Variants in SLC36A1 observed in about 807,000 individuals in gnomAD.
The protein encoded by SLC36A1 is proton-coupled amino acid transporter 1.
Under a neutral mutation model 47.5 loss-of-function variants are expected in SLC36A1, and 30 were observed. The observed-to-expected ratio is 0.63, with a 90% CI of 0.47 to 0.86. The LOEUF (loss-of-function observed/expected upper bound fraction) is 0.86. SLC36A1 is among the 40% of genes least tolerant of loss of function. The pLI is 0.00. For synonymous variants in SLC36A1, 255 were observed against 249.7 expected, an observed-to-expected ratio of 1.02 and a Z score of -0.20; for missense variants, 517 against 606.0, an observed-to-expected ratio of 0.85 and a Z score of 1.54.
At chr5:151,373,758 A>C in the SLC36A1 span, among the ~76,000 whole-genome samples, 1 of 152,324 alleles carries the variant, frequency 6.6e-6, no homozygotes, top group Non-Finnish European at 1.5e-5. Flanking sequence ...ATTGTTTTAG[A>C]GACAGGGTCT....
At chr5:151,506,188 G>A in the SLC36A1 span, 1 of 1,372,154 alleles carries the variant, frequency 7.3e-7, no homozygotes, top group Non-Finnish European at 9.6e-7. Flanking sequence ...CTAGCGAGTG[G>A]TGGAGATGGG....
At chr5:151,523,224 C>G in the SLC36A1 span, among the ~76,000 whole-genome samples, 301 of 152,252 alleles carry the variant, frequency 2.0e-3, 1 homozygote, top group African/African-American at 6.9e-3. Flanking sequence ...ATTAACACTA[C>G]TGTTAATTAT....
At chr5:151,440,653 A>C (rs2127440445) in intron 1 of SLC36A1, among the ~76,000 whole-genome samples, 1 of 152,202 alleles carries the variant, frequency 6.6e-6, no homozygotes, top group Admixed American at 6.5e-5. Flanking sequence ...ATCTCTCAGC[A>C]GCATAACCCC....
chr5:151,436,041 C>G (rs938148330), upstream of SLC36A1, among the ~76,000 whole-genome samples: 26 of 151,854 alleles, frequency 1.7e-4, no homozygotes, highest in African/African-American at 6.1e-4. Context: ...TTATTGAGCA[C>G]CTACTATGTA....
At chr5:151,412,074 G>T in the SLC36A1 span, among the ~76,000 whole-genome samples, 1 of 144,824 alleles carries the variant, frequency 6.9e-6, no homozygotes, top group African/African-American at 2.5e-5. Context: ...ACAAGAAATT[G>T]CTTTTGTCTG....
chr5:151,525,871 T>A, the SLC36A1 span: 1 of 1,614,062 alleles, frequency 6.2e-7, no homozygotes, highest in East Asian at 2.2e-5. Context: ...GTTGTTCCCC[T>A]TGGTGATTCG....
chr5:151,473,598 G>A (rs139123789), intron 7 of SLC36A1, 75 bp from the exon 8 acceptor site: 7 of 944,660 alleles, frequency 7.4e-6, no homozygotes, highest in East Asian at 7.2e-5. Flanking sequence ...TGACCTCTCC[G>A]ATTCAGAGTT....
intron 9 of SLC36A1, among the ~76,000 whole-genome samples, chr5:151,477,960 C>T (rs546208062): frequency 6.6e-6 from 1 of 152,180 alleles, no homozygotes; most frequent in Non-Finnish European, 1.5e-5. Context: ...TTGGCTATCC[C>T]TGCAGGTGTC....
At chr5:151,401,265 T>TA in the SLC36A1 span, among the ~76,000 whole-genome samples, 12 of 152,232 alleles carry the variant, frequency 7.9e-5, no homozygotes, top group African/African-American at 2.6e-4. Flanking sequence ...CAGCACCTCT[T>TA]ATTTATTGAA....
chr5:151,353,199 T>TAA, the SLC36A1 span, among the ~76,000 whole-genome samples: 1 of 152,182 alleles, frequency 6.6e-6, no homozygotes, highest in East Asian at 1.9e-4. Flanking sequence ...TGTATATATA[T>TAA]AATATAGATA....
the SLC36A1 span, chr5:151,544,945 T>C: frequency 2.5e-6 from 4 of 1,614,072 alleles, no homozygotes. Context: ...ATTGACATCC[T>C]CAATAGAGAC....
chr5:151,468,266 A>AAAAATATATATATATATATAT (rs55642458), intron 7 of SLC36A1, among the ~76,000 whole-genome samples: 2 of 63,814 alleles, frequency 3.1e-5, no homozygotes, highest in African/African-American at 1.8e-4. Context: ...AAAAAAAAAA[A>AAAAATATATATATATATATAT]ATATATATAT....
At chr5:151,399,564 T>C in the SLC36A1 span, among the ~76,000 whole-genome samples, 1 of 152,196 alleles carries the variant, frequency 6.6e-6, no homozygotes, top group Non-Finnish European at 1.5e-5. Flanking sequence ...TGCTGACTTT[T>C]AGTAATTTTT....
At chr5:151,499,141 C>A in the SLC36A1 span, among the ~76,000 whole-genome samples, 2 of 152,238 alleles carry the variant, frequency 1.3e-5, no homozygotes, top group Admixed American at 6.5e-5. Flanking sequence ...TCAATCTAAC[C>A]AGGCACCTTT....
the SLC36A1 span, among the ~76,000 whole-genome samples, chr5:151,361,606 G>GT: frequency 6.6e-6 from 1 of 152,158 alleles, no homozygotes; most frequent in South Asian, 2.1e-4. Flanking sequence ...AGTTATGAGT[G>GT]GATTGCATAC....
the SLC36A1 span, among the ~76,000 whole-genome samples, chr5:151,368,167 T>C: frequency 1.3e-5 from 2 of 152,222 alleles, no homozygotes; most frequent in East Asian, 3.8e-4. Context: ...ACCAATAACC[T>C]GCCATAATCA....
chr5:151,535,585 T>C, the SLC36A1 span, among the ~76,000 whole-genome samples: 1 of 152,190 alleles, frequency 6.6e-6, no homozygotes, highest in East Asian at 1.9e-4. Flanking sequence ...TGCAGTATCC[T>C]TTATAATAAA....
At chr5:151,483,084 G>C (rs995011847) in intron 10 of SLC36A1, among the ~76,000 whole-genome samples, 12 of 152,086 alleles carry the variant, frequency 7.9e-5, no homozygotes, top group Non-Finnish European at 1.5e-4. Context: ...AAGTAACTTG[G>C]TAAGTTTTAA....
the SLC36A1 span, among the ~76,000 whole-genome samples, chr5:151,530,317 T>C: frequency 6.6e-6 from 1 of 150,916 alleles, no homozygotes; most frequent in East Asian, 1.9e-4. Flanking sequence ...CATAGCATCA[T>C]CTGTGAGGCA....
Sources: allele counts gnomAD v4.1 joint callset (sites outside exome capture counted in the v4.1 genomes callset), GRCh38; gene constraint gnomAD v4.1.1; transcripts MANE v1.5; gene names NCBI Gene and HGNC (gene_info 2026-07-23, HGNC 2026-07-21).